The following SDHAF3 variants were observed in gnomAD, a reference collection of about 807,000 sequenced individuals.
SDHAF3 encodes the protein succinate dehydrogenase complex assembly factor 3.
In SDHAF3, 18 loss-of-function variants were observed where a neutral mutation model predicts 11.5. That is an observed-to-expected ratio of 1.56 (90% confidence interval 1.08 to 2.32). The LOEUF (loss-of-function observed/expected upper bound fraction) is 2.32, where lower values mean the gene tolerates loss of function less well. Among genes scored for constraint, SDHAF3 ranks in the 30% most tolerant of loss-of-function variants. SDHAF3 has a pLI of 0.00. For missense variants in SDHAF3, 200 were observed against 154.4 expected (o/e 1.30, Z -1.57); for synonymous variants, 72 against 59.3 (o/e 1.21, Z -0.99).
intron 1 of SDHAF3, among the ~76,000 whole-genome samples, chr7:97,118,655 A>G (rs1791446707): frequency 6.6e-6 from 1 of 151,976 alleles, no homozygotes; most frequent in Non-Finnish European, 1.5e-5. Context: ...ATATAAATAA[A>G]TGAATGGAAT....
intron 1 of SDHAF3, among the ~76,000 whole-genome samples, chr7:97,135,941 C>T (rs896294282): frequency 1.1e-4 from 16 of 151,924 alleles, no homozygotes; most frequent in Non-Finnish European, 1.8e-4. Flanking sequence ...CCCGCCTCGG[C>T]CTCCCAAAGT....
At chr7:97,135,144 A>C (rs1259835901) in intron 1 of SDHAF3, 1 of 150,816 alleles carries the variant, frequency 6.6e-6, no homozygotes, top group Non-Finnish European at 1.5e-5. Flanking sequence ...CATCCTTGTC[A>C]TATTTCTCAT....
rs1788969023 is a variant in SDHAF3 at position 97,138,557 on chromosome 7, A to G, written c.174+20660A>G. 2.0e-5 allele frequency among the ~76,000 whole-genome samples: 3 copies of G among 152,184 alleles called. No individual in the cohort carries two copies. The South Asian group carries it at 6.2e-4, about 32-fold the overall frequency. On this transcript the variant is annotated intron_variant, in intron 1 of 1. Transcript: ENST00000432641. ...TTACATTTTAAATTTAATATGAGTA[A>G]CACTTTTAATGATTATCTGACGTTG...
In SDHAF3 at chr7:97,181,129, A is replaced by T. The variant is rs1413549387; in HGVS notation, c.292A>T (p.Ile98Phe). 3 of 1,613,934 alleles carry T rather than the reference A, an allele frequency of 1.9e-6. No individual in the cohort carries two copies. Among genetic ancestry groups the T allele is most frequent in the Non-Finnish European group, 2.5e-6 (3 of 1,179,952 alleles). Residue 98 changes from isoleucine (I) to phenylalanine (F), a missense_variant, in exon 2 of 2, where the codon ATT becomes TTT. Coordinates refer to ENST00000432641, the MANE Select transcript of SDHAF3 (RefSeq NM_020186.3). ...EKLNDFRDEQ[I>F]GQLQELMQEA... ...ACTTAATGACTTTCGTGATGAACAA[A>T]TTGGACAGTTGCAGGAGCTGATGCA...
intron 1 of SDHAF3, among the ~76,000 whole-genome samples, chr7:97,161,604 G>C (rs1368083637): frequency 6.6e-6 from 1 of 151,936 alleles, no homozygotes; most frequent in Non-Finnish European, 1.5e-5. Context: ...CCCTCTGACA[G>C]GCCCTGGTGT....
chr7:97,152,055 A>G (rs149080322), intron 1 of SDHAF3, among the ~76,000 whole-genome samples: 178 of 152,340 alleles, frequency 1.2e-3, no homozygotes, highest in African/African-American at 3.1e-3. Flanking sequence ...AGACAAATGT[A>G]TAACGACATG....
At chr7:97,155,897 A>G (rs999734416) in intron 1 of SDHAF3, among the ~76,000 whole-genome samples, 30 of 151,946 alleles carry the variant, frequency 2.0e-4, no homozygotes, top group African/African-American at 7.3e-4. Flanking sequence ...AATAAAGTAG[A>G]TATCAATTTG....
intron 1 of SDHAF3, among the ~76,000 whole-genome samples, chr7:97,168,487 T>G (rs773184078): frequency 1.3e-5 from 2 of 152,222 alleles, no homozygotes; most frequent in Non-Finnish European, 2.9e-5. Context: ...TGCCCAGGAA[T>G]GAATAAGGAT....
intron 1 of SDHAF3, among the ~76,000 whole-genome samples, chr7:97,167,965 G>A (rs1789538952): frequency 6.6e-6 from 1 of 152,170 alleles, no homozygotes; most frequent in African/African-American, 2.4e-5. Flanking sequence ...TCTTGCCTGG[G>A]CATGCCCACA....
chr7:97,179,199 T>G (rs1584237583), intron 1 of SDHAF3, among the ~76,000 whole-genome samples: 1 of 152,338 alleles, frequency 6.6e-6, no homozygotes, highest in East Asian at 1.9e-4. Context: ...GTTATATATC[T>G]ATTCTAATGC....
chr7:97,151,196 TG>T (rs1789213678), intron 1 of SDHAF3, among the ~76,000 whole-genome samples: 1 of 152,150 alleles, frequency 6.6e-6, no homozygotes, highest in East Asian at 1.9e-4. Flanking sequence ...TGTGATAAAC[TG>T]AAAGCAGACA....
chr7:97,150,577 T>A (rs1789203878), intron 1 of SDHAF3, among the ~76,000 whole-genome samples: 2 of 149,454 alleles, frequency 1.3e-5, no homozygotes, highest in East Asian at 2.0e-4. Flanking sequence ...TTTTTTTTTT[T>A]TTTTGAGATG....
At chr7:97,169,758 T>G (rs1789575902) in intron 1 of SDHAF3, among the ~76,000 whole-genome samples, 1 of 152,026 alleles carries the variant, frequency 6.6e-6, no homozygotes, top group African/African-American at 2.4e-5. Context: ...AAAGAAAAAA[T>G]TATAGTTTTG....
chr7:97,145,703 C>T (rs1789123981), intron 1 of SDHAF3, among the ~76,000 whole-genome samples: 1 of 152,140 alleles, frequency 6.6e-6, no homozygotes, highest in Admixed American at 6.5e-5. Flanking sequence ...GTCTCATTAC[C>T]ATTTTGAATC....
In SDHAF3 at chr7:97,170,404, A is replaced by C. The variant is rs543894732; in HGVS notation, c.175-10608A>C. Among the ~76,000 whole-genome samples, 4 of 152,306 alleles carry C rather than the reference A, an allele frequency of 2.6e-5. No individual in the cohort carries two copies. The East Asian group carries it at 7.7e-4, about 29-fold the overall frequency. On this transcript the variant is annotated intron_variant, in intron 1 of 1. Coordinates refer to ENST00000432641, the MANE Select transcript of SDHAF3 (RefSeq NM_020186.3). ...TTATGAATACATTTTTAGATTAAGT[A>C]AAATAAGTTATGTAATATTACCTTA...
At chr7:97,140,845 A>G (rs1789023145) in intron 1 of SDHAF3, among the ~76,000 whole-genome samples, 1 of 152,260 alleles carries the variant, frequency 6.6e-6, no homozygotes, top group Non-Finnish European at 1.5e-5. Flanking sequence ...GGCACCTTGA[A>G]AAAAGAACAG....
chr7:97,174,314 G>C (rs1455029608), intron 1 of SDHAF3, among the ~76,000 whole-genome samples: 1 of 152,210 alleles, frequency 6.6e-6, no homozygotes, highest in Non-Finnish European at 1.5e-5. Flanking sequence ...AGTTACAGAA[G>C]AGAGTTGCAA....
chr7:97,158,576 A>G (rs1337344723), intron 1 of SDHAF3, among the ~76,000 whole-genome samples: 2 of 152,210 alleles, frequency 1.3e-5, no homozygotes, highest in Non-Finnish European at 2.9e-5. Context: ...TACCCGCCTC[A>G]GCCTCTCAAA....
At chr7:97,146,335 A>C (rs1325405514) in intron 1 of SDHAF3, among the ~76,000 whole-genome samples, 1 of 152,198 alleles carries the variant, frequency 6.6e-6, no homozygotes, top group Non-Finnish European at 1.5e-5. Context: ...ACATTTTTGA[A>C]ATGTGTATTT....
Sources: gnomAD v4.1 joint callset for allele counts (sites outside exome capture counted in the v4.1 genomes callset) on GRCh38, gnomAD v4.1.1 for gene constraint, MANE v1.5 for transcripts, NCBI Gene and HGNC (gene_info 2026-07-23, HGNC 2026-07-21) for gene names.